FAM217B: variants seen among roughly 807,000 people sequenced by gnomAD.
FAM217B encodes family with sequence similarity 217 member B.
For synonymous variants in FAM217B, 163 were observed against 173.0 expected (o/e 0.94, Z 0.45); for missense variants, 463 against 456.9 (o/e 1.01, Z -0.12).
In FAM217B at chr20:59,945,338, T is replaced by G. The variant is rs1310581354; in HGVS notation, c.*243T>G. ...ATGAGAGCCCTTTAGATAAAAATTA[T>G]GTAAAATATGTGCCATATAAAGGAA... is the stretch of plus-strand genomic sequence containing the variant. On this transcript the variant is annotated 3_prime_UTR_variant, in exon 4 of 4. Coordinates refer to ENST00000360816, the MANE Select transcript of FAM217B (RefSeq NM_022106.3). 5.1e-6 allele frequency: 2 copies of G among 391,628 alleles called. No individual in the cohort carries two copies. The highest frequency in any genetic ancestry group is 9.6e-6 in the Non-Finnish European group (2 of 209,340). The allele number at this position is 391,628 out of a possible 1,614,324, so 24.3% of individuals were successfully genotyped here.
chr20:59,945,373 A>C lies in FAM217B; in HGVS notation c.*278A>C, dbSNP rs1402564164. Reference sequence around the variant, plus strand: ...GTGCCATATAAAGGAATAAAATGGCACCTCTCCAGGGAAAGTGTCAGTGAA... The same window carrying C: ...GTGCCATATAAAGGAATAAAATGGCCCCTCTCCAGGGAAAGTGTCAGTGAA... On this transcript the variant is annotated 3_prime_UTR_variant, in exon 4 of 4. Transcript: ENST00000360816. 1.0e-5 allele frequency: 3 copies of C among 299,392 alleles called. No homozygotes were observed. Among genetic ancestry groups the C allele is most frequent in the Non-Finnish European group, 2.0e-5 (3 of 150,348 alleles). 18.5% of individuals were successfully genotyped at this position (299,392 alleles called of 1,614,324 possible).
chr20:59,938,040 T>C (rs1250288756), upstream of FAM217B: 1 of 152,204 alleles, frequency 6.6e-6, no homozygotes, highest in African/African-American at 2.4e-5. Context: ...GTAACTGGAC[T>C]CCCAAAAGAT....
intron 1 of FAM217B, among the ~76,000 whole-genome samples, chr20:59,940,751 C>T (rs566189122): frequency 3.3e-5 from 5 of 152,352 alleles, no homozygotes; most frequent in African/African-American, 1.2e-4. Flanking sequence ...GACAGGTTCA[C>T]TGCAACCTGG....
upstream of FAM217B, chr20:59,939,256 G>T (rs765238816): frequency 5.6e-6 from 9 of 1,606,156 alleles, no homozygotes; most frequent in Middle Eastern, 3.3e-4. Context: ...GGGCCTGCGG[G>T]CCCGCGCCAC....
chr20:59,934,771 GGGATTAAGA>G (rs2145940819), intron 1 of FAM217B, among the ~76,000 whole-genome samples: 1 of 152,170 alleles, frequency 6.6e-6, no homozygotes, highest in African/African-American at 2.4e-5. Context: ...TTAAAAATAT[GGGATTAAGA>G]TTTAAATGTG....
chr20:59,934,608 G>T (rs931846669), intron 1 of FAM217B, among the ~76,000 whole-genome samples: 5 of 152,194 alleles, frequency 3.3e-5, no homozygotes, highest in Admixed American at 1.3e-4. Context: ...AAATAATACT[G>T]CAGCAAACCA....
Position 59,948,118 on chromosome 20 carries a change from C to T in FAM217B, c.*3023C>T, listed in dbSNP as rs2060948234. ...CTAATGGAAAAAATGTAAAAAAGTACAAAAATGAACTAAAAGTATATCAGT... is the reference window on the plus strand; with the variant it reads ...CTAATGGAAAAAATGTAAAAAAGTATAAAAATGAACTAAAAGTATATCAGT... On this transcript the variant is annotated 3_prime_UTR_variant, in exon 4 of 4. Coordinates refer to ENST00000360816, the MANE Select transcript of FAM217B (RefSeq NM_022106.3). 6.2e-6 allele frequency: 1 copy of T among 161,590 alleles called. No individual in the cohort carries two copies. Among genetic ancestry groups the T allele is most frequent in the Non-Finnish European group, 1.5e-5 (1 of 66,916 alleles). The allele number at this position is 161,590 out of a possible 1,614,324, so 10.0% of individuals were successfully genotyped here.
upstream of FAM217B, chr20:59,939,487 C>A: frequency 6.2e-7 from 1 of 1,612,230 alleles, no homozygotes. Context: ...AGGGTGAACT[C>A]CAGGTCCTGG....
chr20:59,944,228 T>G lies in FAM217B; in HGVS notation c.285T>G (p.Ser95Arg). 2 of 1,614,208 alleles carry G rather than the reference T, an allele frequency of 1.2e-6. No homozygotes were observed. The highest frequency in any genetic ancestry group is 4.5e-5 in the East Asian group (2 of 44,888). The change falls in exon 4 of 4, where the codon AGT becomes AGG. Residue 95 changes from serine (S) to arginine (R), a missense_variant. Ser to Arg is a moderately radical substitution (Grantham distance 110). Coordinates refer to ENST00000360816, the MANE Select transcript of FAM217B (RefSeq NM_022106.3). ...AGAATGCTGATGAGGACAGTGCAAG[T>G]GATCTCTCTGATTCGGAAAGAATTC... Reference protein sequence around the residue: ...IKENADEDSASDLSDSERIPI... With the variant: ...IKENADEDSARDLSDSERIPI...
At position 59,943,868 on chromosome 20, in the gene FAM217B, T is replaced by C. The variant is rs1216371794; in HGVS notation, c.-4-72T>C. 79 of 1,293,728 alleles carry C rather than the reference T, an allele frequency of 6.1e-5. No individual in the cohort carries two copies. The South Asian group carries it at 7.5e-4, about 12-fold the overall frequency. The allele number at this position is 1,293,728 out of a possible 1,614,324, so 80.1% of individuals were successfully genotyped here. On this transcript the variant is annotated intron_variant, in intron 3 of 3. Coordinates refer to ENST00000360816, the MANE Select transcript of FAM217B (RefSeq NM_022106.3). ...AAAAAAGTACAACTAGAAGATTCTT[T>C]TTGTTTGTTTAATTATAGCCAGACC...
rs1434070589 is a variant in FAM217B, at chr20:59,947,916, A to G, written c.*2821A>G. ...TCATTCAATTCATCAAGTCAAAAGC[A>G]CTGAGTGTTTTGCTAGTCTAGTGAC... On this transcript the variant is annotated 3_prime_UTR_variant, in exon 4 of 4. Transcript: ENST00000360816. 1.2e-5 allele frequency: 2 copies of G among 167,004 alleles called. No homozygotes were observed. Among genetic ancestry groups the G allele is most frequent in the Non-Finnish European group, 2.9e-5 (2 of 68,106 alleles). The allele number at this position is 167,004 out of a possible 1,614,324, so 10.3% of individuals were successfully genotyped here. A position where few individuals can be genotyped will look rare whatever the true frequency, so the allele number is the denominator to read the frequency against.
intron 1 of FAM217B, 129 bp from the exon 2 acceptor site, chr20:59,942,069 C>T (rs2060908599): frequency 6.6e-6 from 1 of 152,366 alleles, no homozygotes; most frequent in Non-Finnish European, 1.5e-5. Flanking sequence ...GAGTGCAAAC[C>T]ACTATATGAT....
upstream of FAM217B, chr20:59,937,750 T>TCA (rs955995493): frequency 6.6e-6 from 1 of 152,516 alleles, no homozygotes; most frequent in Non-Finnish European, 1.5e-5. Context: ...AGCCTGGAGT[T>TCA]CTTTGGAGTT....
chr20:59,940,020 G>T, upstream of FAM217B: 1 of 1,117,276 alleles, frequency 9.0e-7, no homozygotes, highest in Non-Finnish European at 1.1e-6. Context: ...AAGCCGCAGA[G>T]AGTCCACCGT....
At chr20:59,935,930 C>T (rs564102743), upstream of FAM217B, among the ~76,000 whole-genome samples, 6 of 152,238 alleles carry the variant, frequency 3.9e-5, no homozygotes, top group South Asian at 6.2e-4. Flanking sequence ...AGCTATGGGA[C>T]TTTAGGTGAA....
rs1482547109 is a variant in FAM217B at position 59,945,416 on chromosome 20, C to T, written c.*321C>T. 1.9e-5 allele frequency: 5 copies of T among 268,424 alleles called. No homozygotes were observed. Among genetic ancestry groups the T allele is most frequent in the East Asian group, 1.1e-4 (1 of 9,516 alleles). The allele number at this position is 268,424 out of a possible 1,614,324, so 16.6% of individuals were successfully genotyped here. A position where few individuals can be genotyped will look rare whatever the true frequency, so the allele number is the denominator to read the frequency against. ...TCAGTGAAACCTCAGCTACAGTAGC[C>T]GGTCTGTGTAGAGCAGCTAGTGGTG... is the stretch of plus-strand genomic sequence containing the variant. On this transcript the variant is annotated 3_prime_UTR_variant, in exon 4 of 4. Transcript: ENST00000360816.
In FAM217B at chr20:59,945,246, A is replaced by C. The variant is rs1479187572; in HGVS notation, c.*151A>C. On this transcript the variant is annotated 3_prime_UTR_variant, in exon 4 of 4. Coordinates refer to ENST00000360816, the MANE Select transcript of FAM217B (RefSeq NM_022106.3). ...TTTGTCCACCTTTATTTCTACCCTG[A>C]GTGGGGTTATTTTCAAAGGGAAGTG... is the stretch of plus-strand genomic sequence containing the variant. The C allele has an allele frequency of 6.1e-6, 4 of 655,376 alleles. No individual in the cohort carries two copies. The highest frequency in any genetic ancestry group is 1.0e-5 in the Non-Finnish European group (4 of 394,660). The allele number at this position is 655,376 out of a possible 1,614,324, so 40.6% of individuals were successfully genotyped here.
At position 59,947,160 on chromosome 20, in the gene FAM217B, T is replaced by C. The variant is rs2060941897; in HGVS notation, c.*2065T>C. 1 of 167,146 alleles carries C rather than the reference T, an allele frequency of 6.0e-6. No homozygotes were observed. Among genetic ancestry groups the C allele is most frequent in the African/African-American group, 2.4e-5 (1 of 41,470 alleles). The allele number at this position is 167,146 out of a possible 1,614,324, so 10.4% of individuals were successfully genotyped here. A position where few individuals can be genotyped will look rare whatever the true frequency, so the allele number is the denominator to read the frequency against. ...AATGGTTGAGGGTAAAGTGATTTAT[T>C]AGTAATTCTACTTGCCTTGTGTATG... On this transcript the variant is annotated 3_prime_UTR_variant, in exon 4 of 4. Transcript: ENST00000360816.
In FAM217B at chr20:59,944,505, C is replaced by T; in HGVS notation, c.562C>T (p.Leu188Phe). 1 of 1,613,938 alleles carries T rather than the reference C, an allele frequency of 6.2e-7. No homozygotes were observed. Among genetic ancestry groups the T allele is most frequent in the Non-Finnish European group, 8.5e-7 (1 of 1,180,006 alleles). ...GAAGTATATCGATAGACTTATTCAGCTTGAGTGGCTGCAAGTCCAGACTGT... is the reference window on the plus strand; with the variant it reads ...GAAGTATATCGATAGACTTATTCAGTTTGAGTGGCTGCAAGTCCAGACTGT... ...LGKYIDRLIQ[L>F]EWLQVQTVQC... The change falls in exon 4 of 4, where the codon CTT becomes TTT. Residue 188 changes from leucine (L) to phenylalanine (F), a missense_variant. Physicochemically the swap from Leu to Phe is conservative, Grantham distance 22. Coordinates refer to ENST00000360816, the MANE Select transcript of FAM217B (RefSeq NM_022106.3).
Sources: gnomAD v4.1 joint callset for allele counts (sites outside exome capture counted in the v4.1 genomes callset) on GRCh38, gnomAD v4.1.1 for gene constraint, MANE v1.5 for transcripts, NCBI Gene and HGNC (gene_info 2026-07-23, HGNC 2026-07-21) for gene names.